RBFOX1: variants seen among roughly 807,000 people sequenced by gnomAD.
RBFOX1 encodes the protein RNA binding fox-1 homolog 1, also known as RNA binding protein fox-1 homolog 1.
Under a neutral mutation model 57.7 loss-of-function variants are expected in RBFOX1, and 8 were observed. The observed-to-expected ratio is 0.14, with a 90% CI of 0.08 to 0.25. RBFOX1 has a LOEUF of 0.25. RBFOX1 is among the 10% of genes least tolerant of loss of function. The probability of loss-of-function intolerance (pLI) is 1.00; values close to 1 mark genes in which losing one functional copy is unlikely to be tolerated. For synonymous variants in RBFOX1, 326 were observed against 222.4 expected, an observed-to-expected ratio of 1.47 and a Z score of -4.15; for missense variants, 611 against 548.5, an observed-to-expected ratio of 1.11 and a Z score of -1.14.
At chr16:5,955,229 C>T (rs1337964339) in intron 4 of RBFOX1, among the ~76,000 whole-genome samples, 1 of 145,678 alleles carries the variant, frequency 6.9e-6, no homozygotes, top group Admixed American at 7.0e-5. Flanking sequence ...TGTAGTGAGC[C>T]AAGATTATGC....
At chr16:5,855,205 T>C (rs2056994748) in intron 3 of RBFOX1, among the ~76,000 whole-genome samples, 1 of 152,246 alleles carries the variant, frequency 6.6e-6, no homozygotes, top group Admixed American at 6.5e-5. Flanking sequence ...TTTCCTTTGC[T>C]GTGCAGAAGA....
At chr16:5,357,804 C>G (rs2065433974) in intron 1 of RBFOX1, among the ~76,000 whole-genome samples, 1 of 152,172 alleles carries the variant, frequency 6.6e-6, no homozygotes, top group African/African-American at 2.4e-5. Flanking sequence ...TTTCTTACAA[C>G]CAATCTGTTG....
chr16:5,599,150 G>A (rs1454556605), exon 3 of RBFOX1: 6 of 680,442 alleles, frequency 8.8e-6, no homozygotes, highest in South Asian at 3.1e-5. Context: ...CACTTGGGCC[G>A]TATTCCCAGC....
rs1602927403 is a variant in RBFOX1 at position 7,597,573 on chromosome 16, A to C, written c.622+142A>C. On this transcript the variant is annotated intron_variant, in intron 9 of 15. Coordinates refer to ENST00000550418, the MANE Select transcript of RBFOX1 (RefSeq NM_018723.4). ...TACTACTGACCTGCTACAGTGAACC[A>C]CCTACATCAATAAGATCATTTTCAC... 10 of 632,494 alleles carry C rather than the reference A, an allele frequency of 1.6e-5. No individual in the cohort carries two copies. In the East Asian group the frequency reaches 3.0e-4, roughly 19 times the overall value. 39.2% of individuals were successfully genotyped at this position (632,494 alleles called of 1,614,324 possible).
intron 3 of RBFOX1, among the ~76,000 whole-genome samples, chr16:6,969,987 T>G (rs1265910395): frequency 6.6e-6 from 1 of 151,950 alleles, no homozygotes; most frequent in Non-Finnish European, 1.5e-5. Context: ...TATAAAGTCC[T>G]TACAAGCCTG....
Position 7,167,899 on chromosome 16 carries a change from GT to G in RBFOX1, c.27+115802del, listed in dbSNP as rs1422084112. ...GTGTGCCAACCGCTCTTCTAGGGAGGTGTTTAATTTATGTGCTTGTCTGGGG... is the reference window on the plus strand; with the variant it reads ...GTGTGCCAACCGCTCTTCTAGGGAGGGTTTAATTTATGTGCTTGTCTGGGG... On this transcript the variant is annotated intron_variant, in intron 4 of 15. Transcript: ENST00000550418. 2.0e-5 allele frequency among the ~76,000 whole-genome samples: 3 copies of G among 152,154 alleles called. No individual in the cohort carries two copies. In the East Asian group the frequency reaches 5.8e-4, roughly 29 times the overall value.
At chr16:7,331,417 A>G (rs142455164) in intron 4 of RBFOX1, among the ~76,000 whole-genome samples, 2 of 152,244 alleles carry the variant, frequency 1.3e-5, no homozygotes, top group East Asian at 3.9e-4. Context: ...TCAGAACTTC[A>G]TATTATTGCT....
chr16:7,662,811 T>G (rs970912601), intron 12 of RBFOX1, among the ~76,000 whole-genome samples: 2 of 151,708 alleles, frequency 1.3e-5, no homozygotes, highest in African/African-American at 4.8e-5. Context: ...ACGAAACCCT[T>G]TCTTGAGGTA....
At chr16:6,060,652 G>T (rs2095673620) in intron 1 of RBFOX1, among the ~76,000 whole-genome samples, 1 of 152,132 alleles carries the variant, frequency 6.6e-6, no homozygotes, top group African/African-American at 2.4e-5. Context: ...TCCTTTGGCT[G>T]CAAGTAACTT....
At chr16:6,759,171 G>C (rs2076235716) in intron 3 of RBFOX1, among the ~76,000 whole-genome samples, 1 of 147,616 alleles carries the variant, frequency 6.8e-6, no homozygotes, top group Non-Finnish European at 1.5e-5. Context: ...TCTTTTGTGA[G>C]ACAGAGTCTC....
At chr16:6,572,804 C>T (rs1054367794) in intron 2 of RBFOX1, among the ~76,000 whole-genome samples, 4 of 152,028 alleles carry the variant, frequency 2.6e-5, no homozygotes, top group Non-Finnish European at 4.4e-5. Flanking sequence ...ATGTTGGCCA[C>T]GCTGGCCTCG....
At chr16:7,154,492 T>C (rs938695460) in intron 4 of RBFOX1, among the ~76,000 whole-genome samples, 1 of 152,214 alleles carries the variant, frequency 6.6e-6, no homozygotes, top group Non-Finnish European at 1.5e-5. Context: ...TTGAATCTGC[T>C]CAGTGACAGG....
intron 3 of RBFOX1, among the ~76,000 whole-genome samples, chr16:5,700,433 C>T (rs2051005886): frequency 6.6e-6 from 1 of 152,102 alleles, no homozygotes; most frequent in Non-Finnish European, 1.5e-5. Context: ...TCCTGTTATT[C>T]TATTGGCTCA....
At chr16:7,181,134 C>A (rs546692850) in intron 4 of RBFOX1, among the ~76,000 whole-genome samples, 3 of 152,324 alleles carry the variant, frequency 2.0e-5, no homozygotes, top group South Asian at 4.1e-4. Context: ...GGCTTTCAAT[C>A]CTTCCTTGTC....
chr16:6,331,588 ATG>A (rs1197494625), intron 2 of RBFOX1, among the ~76,000 whole-genome samples: 4 of 117,388 alleles, frequency 3.4e-5, no homozygotes, highest in Non-Finnish European at 5.3e-5. Flanking sequence ...GTATATATAT[ATG>A]TGTGTGTATA....
At chr16:6,435,376 C>G (rs960068692) in intron 2 of RBFOX1, among the ~76,000 whole-genome samples, 9 of 151,768 alleles carry the variant, frequency 5.9e-5, no homozygotes, top group Non-Finnish European at 1.5e-5. Context: ...TCTCGGCTCA[C>G]TGCAGCCTCT....
At chr16:7,629,929 G>A (rs765032131) in intron 10 of RBFOX1, among the ~76,000 whole-genome samples, 3 of 152,186 alleles carry the variant, frequency 2.0e-5, no homozygotes, top group Non-Finnish European at 2.9e-5. Flanking sequence ...CCAGTGTCCA[G>A]TGTGGGTCCA....
chr16:7,572,138 G>A (rs1238660011), intron 5 of RBFOX1, among the ~76,000 whole-genome samples: 1 of 152,022 alleles, frequency 6.6e-6, no homozygotes, highest in Non-Finnish European at 1.5e-5. Context: ...AAACAAAACT[G>A]ATGGTTATTA....
intron 4 of RBFOX1, among the ~76,000 whole-genome samples, chr16:7,450,414 A>AAAG (rs2098842773): frequency 6.7e-6 from 1 of 149,812 alleles, no homozygotes; most frequent in Non-Finnish European, 1.5e-5. Flanking sequence ...AAAAAAAAAA[A>AAAG]GGAGAAACTT....
Sources: gnomAD v4.1 joint callset for allele counts (sites outside exome capture counted in the v4.1 genomes callset) on GRCh38, gnomAD v4.1.1 for gene constraint, MANE v1.5 for transcripts, NCBI Gene and HGNC (gene_info 2026-07-23, HGNC 2026-07-21) for gene names.